Variants in KCNJ6 observed in about 807,000 individuals in gnomAD.
The protein encoded by KCNJ6 is potassium inwardly rectifying channel subfamily J member 6.
KCNJ6 carries 9 observed loss-of-function variants against 34.2 expected under a neutral mutation model. The ratio of observed to expected loss-of-function variants is 0.26; its 90% CI spans 0.16 to 0.46. The LOEUF is 0.46. Among genes scored for constraint, KCNJ6 ranks in the 20% least tolerant of loss-of-function variants. The pLI is 1.00. For missense variants in KCNJ6, 236 were observed against 531.3 expected (o/e 0.44, Z 5.46); for synonymous variants, 196 against 207.1 (o/e 0.95, Z 0.46).
In KCNJ6 at chr21:37,617,224, T is replaced by TC. The variant is rs1346982729; in HGVS notation, c.*7934dup. ...TCCTTCCTTCCTTCCTTCCTTCTTT[T>TC]CTTTCTTTTTTTGAGACTGAGTCTC... On this transcript the variant is annotated 3_prime_UTR_variant, in exon 4 of 4. Coordinates refer to ENST00000609713, the MANE Select transcript of KCNJ6 (RefSeq NM_002240.5). The TC allele has an allele frequency of 2.0e-3, 227 of 112,978 alleles. No individual in the cohort carries two copies. Among genetic ancestry groups the TC allele is most frequent in the African/African-American group, 6.8e-3 (202 of 29,728 alleles). 7.0% of individuals were successfully genotyped at this position (112,978 alleles called of 1,614,324 possible).
At chr21:37,728,019 G>A (rs1031623547) in intron 2 of KCNJ6, among the ~76,000 whole-genome samples, 6 of 152,280 alleles carry the variant, frequency 3.9e-5, no homozygotes, top group South Asian at 2.1e-4. Context: ...TCATAGCAGC[G>A]TTATTCACAG....
chr21:37,673,153 C>T (rs1462962779), intron 3 of KCNJ6, among the ~76,000 whole-genome samples: 1 of 152,174 alleles, frequency 6.6e-6, no homozygotes, highest in Non-Finnish European at 1.5e-5. Flanking sequence ...ACAGGTAAGA[C>T]AGCATGAGGG....
At chr21:37,824,837 G>C (rs1021030518) in intron 2 of KCNJ6, among the ~76,000 whole-genome samples, 4 of 152,082 alleles carry the variant, frequency 2.6e-5, no homozygotes, top group Non-Finnish European at 5.9e-5. Context: ...CCCAGTTTCA[G>C]GTAGTATCTT....
intron 1 of KCNJ6, among the ~76,000 whole-genome samples, chr21:37,877,052 T>C (rs1315243833): frequency 1.3e-5 from 2 of 152,200 alleles, no homozygotes; most frequent in South Asian, 2.1e-4. Flanking sequence ...TGAGTTGATG[T>C]CGAATGGTTT....
intron 1 of KCNJ6, among the ~76,000 whole-genome samples, chr21:37,906,256 GT>G: frequency 6.6e-6 from 1 of 152,272 alleles, no homozygotes; most frequent in South Asian, 2.1e-4. Flanking sequence ...TGTTTTTGCT[GT>G]TTTTCCCCCC....
intron 2 of KCNJ6, among the ~76,000 whole-genome samples, chr21:37,740,086 AG>A (rs2054933112): frequency 6.6e-6 from 1 of 152,164 alleles, no homozygotes; most frequent in Admixed American, 6.5e-5. Flanking sequence ...CGTGTGCCCA[AG>A]GAAGTGCAAA....
At chr21:37,725,410 A>C (rs979896854) in intron 2 of KCNJ6, among the ~76,000 whole-genome samples, 24 of 152,192 alleles carry the variant, frequency 1.6e-4, no homozygotes, top group African/African-American at 5.3e-4. Context: ...GTAGCTAGAA[A>C]ACATATAAAA....
At chr21:37,889,742 C>G (rs2055753025) in intron 1 of KCNJ6, among the ~76,000 whole-genome samples, 2 of 152,118 alleles carry the variant, frequency 1.3e-5, no homozygotes, top group Non-Finnish European at 1.5e-5. Context: ...GTCTACAGAC[C>G]CATCACTCCA....
intron 2 of KCNJ6, among the ~76,000 whole-genome samples, chr21:37,723,131 T>C (rs1054522398): frequency 1.3e-5 from 2 of 152,036 alleles, no homozygotes; most frequent in African/African-American, 4.8e-5. Context: ...TAAACAGACT[T>C]CTCAAAAGAA....
In KCNJ6 at chr21:37,840,580, C is replaced by A. The variant is rs370675674; in HGVS notation, c.25+78G>T. On this transcript the variant is annotated intron_variant, in intron 2 of 3. Transcript: ENST00000609713. ...AAGAGAAGGACAAATCAGATCATCACACGGGATGTCTTTTTTGTGCGATTT... is the reference window on the plus strand; with the variant it reads ...AAGAGAAGGACAAATCAGATCATCAAACGGGATGTCTTTTTTGTGCGATTT... 149 of 943,892 alleles carry A rather than the reference C, an allele frequency of 1.6e-4. 1 individual carries two copies. In the African/African-American group the frequency reaches 2.3e-3, roughly 14 times the overall value. 58.5% of individuals were successfully genotyped at this position (943,892 alleles called of 1,614,324 possible).
rs1483964436 is a variant in KCNJ6, at chr21:37,623,314, G to A, written c.*1845C>T. ...ACTACACCAAAGGCCTGTGCGATCA[G>A]GTCAGGGAAGGCAAGGGAAACAAAG... On this transcript the variant is annotated 3_prime_UTR_variant, in exon 4 of 4. Transcript: ENST00000609713. 1 of 152,338 alleles carries A rather than the reference G, an allele frequency of 6.6e-6. No individual in the cohort carries two copies. The highest frequency in any genetic ancestry group is 1.9e-4 in the East Asian group (1 of 5,178). 9.4% of individuals were successfully genotyped at this position (152,338 alleles called of 1,614,324 possible). A position where few individuals can be genotyped will look rare whatever the true frequency, so the allele number is the denominator to read the frequency against.
At position 37,715,127 on chromosome 21, in the gene KCNJ6, G is replaced by A. The variant is rs771888414; in HGVS notation, c.30C>T (p.Asn10=). 38 of 1,607,654 alleles carry A rather than the reference G, an allele frequency of 2.4e-5. No homozygotes were observed. The highest frequency in any genetic ancestry group is 6.7e-5 in the East Asian group (3 of 44,820). Residue 10 remains asparagine (N), a synonymous_variant, in exon 3 of 4, where the codon AAC becomes AAT. Transcript: ENST00000609713. ...GATCCATGGAGTCGCCCTCCAGGAC[G>A]TTAGCTGGTGGTTTGGAGAAAAGAA... The part of the protein sequence containing the change: MAKLTESMT[N]VLEGDSMDQD...
At chr21:37,647,905 A>ATGT (rs2054413112) in intron 3 of KCNJ6, among the ~76,000 whole-genome samples, 1 of 152,214 alleles carries the variant, frequency 6.6e-6, no homozygotes, top group Admixed American at 6.5e-5. Flanking sequence ...ACCTTGGTTT[A>ATGT]TGTTGATATT....
At chr21:37,876,490 C>A (rs2055678886) in intron 1 of KCNJ6, among the ~76,000 whole-genome samples, 1 of 151,942 alleles carries the variant, frequency 6.6e-6, no homozygotes, top group Non-Finnish European at 1.5e-5. Flanking sequence ...ATTACTTATC[C>A]CAGGACATTT....
At chr21:37,786,694 T>C (rs1041597337) in intron 2 of KCNJ6, among the ~76,000 whole-genome samples, 2 of 152,224 alleles carry the variant, frequency 1.3e-5, no homozygotes, top group Non-Finnish European at 2.9e-5. Context: ...TACAGCGAGA[T>C]TCAGCAGAGA....
chr21:37,854,797 A>C (rs2055556386), intron 1 of KCNJ6, among the ~76,000 whole-genome samples: 1 of 152,258 alleles, frequency 6.6e-6, no homozygotes. Context: ...ATAAAGGTTT[A>C]ATCAACCAAG....
chr21:37,865,406 A>C (rs1278760638), intron 1 of KCNJ6, among the ~76,000 whole-genome samples: 1 of 152,172 alleles, frequency 6.6e-6, no homozygotes, highest in Admixed American at 6.5e-5. Flanking sequence ...GTCCACCCCC[A>C]GTTCTCAGCT....
chr21:37,763,329 C>T (rs1287198336), intron 2 of KCNJ6, among the ~76,000 whole-genome samples: 1 of 152,164 alleles, frequency 6.6e-6, no homozygotes, highest in South Asian at 2.1e-4. Flanking sequence ...TCTGTCTTCT[C>T]GTGGTAAGGA....
intron 1 of KCNJ6, among the ~76,000 whole-genome samples, chr21:37,897,309 T>C (rs937433696): frequency 6.6e-6 from 1 of 152,116 alleles, no homozygotes; most frequent in African/African-American, 2.4e-5. Context: ...CAGAACAGTG[T>C]TGTTCAGTCC....
Sources: gnomAD v4.1 joint callset for allele counts (sites outside exome capture counted in the v4.1 genomes callset) on GRCh38, gnomAD v4.1.1 for gene constraint, MANE v1.5 for transcripts, NCBI Gene and HGNC (gene_info 2026-07-23, HGNC 2026-07-21) for gene names.